CRPPA: variants seen among roughly 807,000 people sequenced by gnomAD.
CRPPA encodes the protein D-ribitol-5-phosphate cytidylyltransferase.
Under a neutral mutation model 52.0 loss-of-function variants are expected in CRPPA, and 43 were observed. The ratio of observed to expected loss-of-function variants is 0.83; its 90% CI spans 0.65 to 1.07. CRPPA has a LOEUF of 1.07. CRPPA is among the 50% of genes least tolerant of loss of function. The probability of loss-of-function intolerance (pLI) is 0.00; values close to 1 mark genes in which losing one functional copy is unlikely to be tolerated. For synonymous variants in CRPPA, 250 were observed against 203.5 expected, an observed-to-expected ratio of 1.23 and a Z score of -1.94; for missense variants, 629 against 551.7, an observed-to-expected ratio of 1.14 and a Z score of -1.40.
At chr7:16,110,674 G>T (rs1254761121) in intron 9 of CRPPA, among the ~76,000 whole-genome samples, 1 of 152,036 alleles carries the variant, frequency 6.6e-6, no homozygotes, top group Non-Finnish European at 1.5e-5. Context: ...TGACAAAGGT[G>T]CCAAGAACAC....
intron 8 of CRPPA, among the ~76,000 whole-genome samples, chr7:16,217,268 A>T (rs1181258860): frequency 6.6e-6 from 1 of 150,454 alleles, no homozygotes; most frequent in Non-Finnish European, 1.5e-5. Flanking sequence ...CAGAAAGGAC[A>T]TCCACACCAA....
intron 5 of CRPPA, among the ~76,000 whole-genome samples, chr7:16,297,275 G>A (rs541063215): frequency 2.0e-5 from 3 of 152,242 alleles, no homozygotes; most frequent in African/African-American, 7.2e-5. Flanking sequence ...AACATATAAG[G>A]CACCTAGCAT....
At chr7:16,151,857 T>C (rs1007578156) in intron 9 of CRPPA, among the ~76,000 whole-genome samples, 1 of 152,034 alleles carries the variant, frequency 6.6e-6, no homozygotes, top group Non-Finnish European at 1.5e-5. Flanking sequence ...AATTACAATA[T>C]ACTACCATGT....
At chr7:16,375,565 G>A (rs1583558237) in intron 3 of CRPPA, among the ~76,000 whole-genome samples, 1 of 152,156 alleles carries the variant, frequency 6.6e-6, no homozygotes, top group East Asian at 1.9e-4. Flanking sequence ...TGAGACTGCT[G>A]TTCTTAAAAA....
intron 6 of CRPPA, among the ~76,000 whole-genome samples, chr7:16,274,383 G>C (rs576867054): frequency 4.9e-4 from 74 of 152,234 alleles, no homozygotes; most frequent in African/African-American, 1.8e-3. Flanking sequence ...ATTCTCTTAA[G>C]TTTGTGTGGC....
At chr7:16,263,928 C>G (rs1370340480) in intron 6 of CRPPA, among the ~76,000 whole-genome samples, 4 of 152,100 alleles carry the variant, frequency 2.6e-5, no homozygotes, top group African/African-American at 7.2e-5. Flanking sequence ...AATGCATACA[C>G]AATATTTACA....
chr7:16,151,387 A>G (rs1025525889), intron 9 of CRPPA, among the ~76,000 whole-genome samples: 1 of 152,160 alleles, frequency 6.6e-6, no homozygotes, highest in African/African-American at 2.4e-5. Flanking sequence ...AGATAATTAT[A>G]TAAAGGAAAT....
At chr7:16,308,400 TG>T (rs1319380369) in intron 4 of CRPPA, 122 bp downstream of exon 4, 40 of 626,064 alleles carry the variant, frequency 6.4e-5, no homozygotes, top group Non-Finnish European at 1.2e-4. Context: ...TACACATTGA[TG>T]GTTCAGTAAA....
intron 3 of CRPPA, among the ~76,000 whole-genome samples, chr7:16,351,298 A>G (rs1046805047): frequency 5.3e-5 from 8 of 152,220 alleles, no homozygotes; most frequent in Non-Finnish European, 1.0e-4. Context: ...TCCTCAAACC[A>G]TAAAAACCCT....
chr7:16,170,250 T>C (rs1027908015), intron 9 of CRPPA, among the ~76,000 whole-genome samples: 1 of 152,186 alleles, frequency 6.6e-6, no homozygotes. Context: ...TACACATAAT[T>C]GATCAGCAAA....
chr7:16,272,966 T>A (rs912914201), intron 6 of CRPPA, among the ~76,000 whole-genome samples: 43 of 151,068 alleles, frequency 2.8e-4, no homozygotes, highest in South Asian at 4.2e-4. Context: ...CTTTTTTTTT[T>A]ATTTTATTAT....
chr7:16,407,574 C>T (rs1787984164), intron 1 of CRPPA, among the ~76,000 whole-genome samples: 2 of 152,008 alleles, frequency 1.3e-5, no homozygotes. Flanking sequence ...TATGGAAGGG[C>T]CTGAAAATTA....
At chr7:16,304,096 A>T (rs1237821414) in intron 4 of CRPPA, among the ~76,000 whole-genome samples, 1 of 152,186 alleles carries the variant, frequency 6.6e-6, no homozygotes, top group Non-Finnish European at 1.5e-5. Flanking sequence ...TGGGGTCACA[A>T]ATATGGTACA....
At chr7:16,232,012 G>C (rs1224527482) in intron 8 of CRPPA, among the ~76,000 whole-genome samples, 2 of 152,128 alleles carry the variant, frequency 1.3e-5, no homozygotes, top group Admixed American at 1.3e-4. Flanking sequence ...AGACAGAATA[G>C]AGTCACAGGT....
At chr7:16,286,080 T>TATATATAA (rs1554309866) in intron 5 of CRPPA, among the ~76,000 whole-genome samples, 1 of 17,504 alleles carries the variant, frequency 5.7e-5, no homozygotes, top group Middle Eastern at 0.056. Context: ...TATATATATA[T>TATATATAA]AATATTTAAA....
intron 3 of CRPPA, among the ~76,000 whole-genome samples, chr7:16,320,383 A>T (rs12535539): frequency 0.73 from 111,087 of 152,016 alleles, 40,974 homozygotes; most frequent in Non-Finnish European, 0.79. Flanking sequence ...TGAAAAAATA[A>T]TGTATATATA....
intron 6 of CRPPA, chr7:16,261,861 T>C (rs1783816249): frequency 6.6e-6 from 1 of 152,120 alleles, no homozygotes; most frequent in African/African-American, 2.4e-5. Context: ...CGCATAGTTG[T>C]TACATTTGAG....
intron 9 of CRPPA, among the ~76,000 whole-genome samples, chr7:16,163,160 G>C (rs919507232): frequency 1.3e-5 from 2 of 151,694 alleles, no homozygotes; most frequent in African/African-American, 2.4e-5. Context: ...TTTTTTAGTA[G>C]AGACAGGGTT....
chr7:16,091,516 T>C lies in CRPPA; in HGVS notation c.*179A>G. 2.0e-6 allele frequency: 1 copy of C among 490,208 alleles called. No individual in the cohort carries two copies. Among genetic ancestry groups the C allele is most frequent in the Non-Finnish European group, 3.5e-6 (1 of 283,256 alleles). The allele number at this position is 490,208 out of a possible 1,614,324, so 30.4% of individuals were successfully genotyped here. ...TAATATTTGTCATACACAAAAGTAT[T>C]CTTTATTTCACAGATATAAACATTA... On this transcript the variant is annotated 3_prime_UTR_variant, in exon 10 of 10. Transcript: ENST00000407010.
Sources: gnomAD v4.1 joint callset for allele counts (sites outside exome capture counted in the v4.1 genomes callset) on GRCh38, gnomAD v4.1.1 for gene constraint, MANE v1.5 for transcripts, NCBI Gene and HGNC (gene_info 2026-07-23, HGNC 2026-07-21) for gene names.